Variants in PLXND1 observed in about 807,000 individuals in gnomAD.
The protein encoded by PLXND1 is plexin D1, also known as plexin-D1.
A neutral mutation model predicts 197.7 loss-of-function variants in PLXND1; 54 were observed. The ratio of observed to expected loss-of-function variants is 0.27; its 90% confidence interval spans 0.22 to 0.34. The LOEUF (loss-of-function observed/expected upper bound fraction) is 0.34, where lower values mean the gene tolerates loss of function less well. PLXND1 is among the 10% of genes least tolerant of loss of function. The pLI is 1.00. For missense variants in PLXND1, 2,127 were observed against 2,699.2 expected (o/e 0.79, Z 4.70); for synonymous variants, 1,180 against 1,161.2 (o/e 1.02, Z -0.33).
At chr3:129,566,463 G>T in intron 23 of PLXND1, 64 bp downstream of exon 23, 1 of 967,528 alleles carries the variant, frequency 1.0e-6, no homozygotes, top group Non-Finnish European at 1.7e-6. Context: ...ACTGGAAAGG[G>T]GACCCAGGGG....
rs2084968947 is a variant in PLXND1, at chr3:129,556,105, G to A, written c.*207C>T. ...TGGCCTCCATCCCAGAGACTGATCT[G>A]GGGACAGGTGGGAGGGGATGGAGGT... On this transcript the variant is annotated 3_prime_UTR_variant, in exon 36 of 36. Transcript: ENST00000324093. 5.4e-6 allele frequency: 3 copies of A among 555,938 alleles called. No individual in the cohort carries two copies. The allele number at this position is 555,938 out of a possible 1,614,324, so 34.4% of individuals were successfully genotyped here. A position where few individuals can be genotyped will look rare whatever the true frequency, so the allele number is the denominator to read the frequency against.
At chr3:129,602,762 GA>G (rs2085728861) in intron 1 of PLXND1, among the ~76,000 whole-genome samples, 1 of 152,178 alleles carries the variant, frequency 6.6e-6, no homozygotes, top group Non-Finnish European at 1.5e-5. Context: ...GTAATAACAA[GA>G]AGAACTGCCA....
At chr3:129,605,051 G>A (rs1029691572) in intron 1 of PLXND1, among the ~76,000 whole-genome samples, 3 of 152,176 alleles carry the variant, frequency 2.0e-5, no homozygotes, top group Non-Finnish European at 4.4e-5. Flanking sequence ...GGTACCTGTG[G>A]CAACTTGGAC....
chr3:129,589,603 C>A, intron 1 of PLXND1, 76 bp from the exon 2 acceptor site: 1 of 1,290,182 alleles, frequency 7.8e-7, no homozygotes. Context: ...TGGCTGGGAT[C>A]TCAGGCCCTG....
Position 129,555,381 on chromosome 3 carries a change from T to C in PLXND1, c.*931A>G. On this transcript the variant is annotated 3_prime_UTR_variant, in exon 36 of 36. Coordinates refer to ENST00000324093, the MANE Select transcript of PLXND1 (RefSeq NM_015103.3). ...TCGTTTCTGGCAGGAACGGAGTGGG[T>C]GGTAGTCTCAGGCGCCAGGGGCGCT... The C allele has an allele frequency of 1.6e-6, 1 of 623,678 alleles. No homozygotes were observed. The highest frequency in any genetic ancestry group is 2.8e-6 in the Non-Finnish European group (1 of 355,588). 38.6% of individuals were successfully genotyped at this position (623,678 alleles called of 1,614,324 possible). A position where few individuals can be genotyped will look rare whatever the true frequency, so the allele number is the denominator to read the frequency against.
intron 29 of PLXND1, chr3:129,561,008 T>C (rs575004645): frequency 2.7e-4 from 150 of 562,578 alleles, no homozygotes; most frequent in Non-Finnish European, 4.2e-4. Context: ...CGAGACAGAG[T>C]GAGGCAGAGA....
chr3:129,587,967 C>T (rs2085484384), intron 2 of PLXND1, among the ~76,000 whole-genome samples: 1 of 78,296 alleles, frequency 1.3e-5, no homozygotes, highest in Non-Finnish European at 3.3e-5. Flanking sequence ...AGGCCACTGC[C>T]CGCACCCACC....
At chr3:129,589,307 G>GCCGGGGGGC in intron 2 of PLXND1, 44 bp downstream of exon 2, 2 of 684,692 alleles carry the variant, frequency 2.9e-6, no homozygotes, top group Non-Finnish European at 2.6e-6. Context: ...TCCCAGGGGA[G>GCCGGGGGGC]CCTCCCACCC....
In PLXND1 at chr3:129,561,719, G is replaced by C. The variant is rs373574898; in HGVS notation, c.4930-10C>G. ...AGGCACCTTCAGGGATCTGATGGGA[G>C]GGGAGAGGCCGAGGTCAGAGGCCGG... On this transcript the variant is annotated splice_polypyrimidine_tract_variant and intron_variant, in intron 28 of 35. Transcript: ENST00000324093. The C allele has an allele frequency of 1.9e-6, 3 of 1,600,378 alleles. No homozygotes were observed. Among genetic ancestry groups the C allele is most frequent in the Admixed American group, 1.7e-5 (1 of 58,646 alleles).
chr3:129,584,527 G>A lies in PLXND1; in HGVS notation c.1887C>T (p.Ser629=). 1 of 1,612,442 alleles carries A rather than the reference G, an allele frequency of 6.2e-7. No homozygotes were observed. Among genetic ancestry groups the A allele is most frequent in the Non-Finnish European group, 8.5e-7 (1 of 1,179,114 alleles). Residue 629 remains serine (S), a synonymous_variant, in exon 6 of 36, where the codon AGC becomes AGT. Coordinates refer to ENST00000324093, the MANE Select transcript of PLXND1 (RefSeq NM_015103.3). The part of the protein sequence containing the change: ...MILQISGSLP[S]LSGMEMACDY... ...CACAGGCCATCTCCATGCCACTGAG[G>A]CTGGGCAGGCTGCCCGAGATCTGCA...
At chr3:129,591,211 C>T (rs2085535741) in intron 1 of PLXND1, 1 of 152,248 alleles carries the variant, frequency 6.6e-6, no homozygotes, top group South Asian at 2.1e-4. Flanking sequence ...GAATGGTCTT[C>T]CGGAGGATGA....
At chr3:129,565,794 A>G (rs2245469) in intron 24 of PLXND1, 93 bp downstream of exon 24, 423,877 of 1,357,500 alleles carry the variant, frequency 0.31, 70,136 homozygotes, top group African/African-American at 0.55. Context: ...GGGGGTGTCA[A>G]GAGCCCCAGA....
At chr3:129,600,830 G>A in intron 1 of PLXND1, among the ~76,000 whole-genome samples, 1 of 151,680 alleles carries the variant, frequency 6.6e-6, no homozygotes, top group East Asian at 1.9e-4. Flanking sequence ...CCCTAAATTG[G>A]TGCAAAAAAA....
At position 129,605,698 on chromosome 3, in the gene PLXND1, C is replaced by T. The variant is rs1314820233; in HGVS notation, c.942G>A (p.Ala314=). ...GGCAGATGCGCGCCAGCAGGCTCCGCGCCTGGCTCTCCTTGTCGCCCGCGC... is the reference window on the plus strand; with the variant it reads ...GGCAGATGCGCGCCAGCAGGCTCCGTGCCTGGCTCTCCTTGTCGCCCGCGC... ...EARAGDKESQ[A]RSLLARICLP... Residue 314 remains alanine, a synonymous_variant, in exon 1 of 36, where the codon GCG becomes GCA. Coordinates refer to ENST00000324093, the MANE Select transcript of PLXND1 (RefSeq NM_015103.3). 2 of 1,539,160 alleles carry T rather than the reference C, an allele frequency of 1.3e-6. No individual in the cohort carries two copies. Among genetic ancestry groups the T allele is most frequent in the Non-Finnish European group, 1.7e-6 (2 of 1,144,882 alleles).
chr3:129,605,265 GC>G, intron 1 of PLXND1, 63 bp downstream of exon 1: 2 of 283,344 alleles, frequency 7.1e-6, no homozygotes, highest in Non-Finnish European at 1.2e-5. Context: ...CTCGGTTCCC[GC>G]CCGCCCCCGC....
chr3:129,570,108 C>T lies in PLXND1; in HGVS notation c.3751-151G>A. On this transcript the variant is annotated intron_variant, in intron 19 of 35. Coordinates refer to ENST00000324093, the MANE Select transcript of PLXND1 (RefSeq NM_015103.3). ...ACATAGAGATAACAATGTCCACCTC[C>T]TGGGGACACTGGGAAGGCTAAATGA... The T allele has an allele frequency of 7.9e-6, 5 of 631,496 alleles. No individual in the cohort carries two copies. In the South Asian group the frequency reaches 8.9e-5, roughly 11 times the overall value. The allele number at this position is 631,496 out of a possible 1,614,324, so 39.1% of individuals were successfully genotyped here.
At position 129,572,652 on chromosome 3, in the gene PLXND1, G is replaced by T; in HGVS notation, c.3034C>A (p.Leu1012Ile). The T allele has an allele frequency of 6.2e-7, 1 of 1,601,106 alleles. No individual in the cohort carries two copies. Among genetic ancestry groups the T allele is most frequent in the Non-Finnish European group, 8.5e-7 (1 of 1,173,372 alleles). ...HGNDLHVGSE[L>I]QVLVNDTDPC... ...TCTGTGTCGTTCACCAGGACCTGGA[G>T]CTCGGAGCCTACATGGAGGTCATTC... The change falls in exon 15 of 36, where the codon CTC (leucine) becomes ATC (isoleucine). Residue 1012 changes from leucine (L) to isoleucine (I), a missense_variant. Leu to Ile is a conservative substitution (Grantham distance 5). Around this residue, in one of 6 missense-constraint regions of PLXND1, gnomAD observed 1,095 missense variants for 1,259.8 expected, o/e 0.87. Coordinates refer to ENST00000324093, the MANE Select transcript of PLXND1 (RefSeq NM_015103.3).
chr3:129,606,213 T>C lies in PLXND1; in HGVS notation c.427A>G (p.Ile143Val), dbSNP rs377413187. 1.3e-4 allele frequency: 201 copies of C among 1,579,206 alleles called. No individual in the cohort carries two copies. Among genetic ancestry groups the C allele is most frequent in the Non-Finnish European group, 1.6e-4 (189 of 1,167,438 alleles). Residue 143 changes from isoleucine to valine, a missense_variant, in exon 1 of 36, where the codon ATC becomes GTC. Physicochemically the swap from Ile to Val is conservative, Grantham distance 29 (BLOSUM62 3). This residue lies in a region of PLXND1 where 245 missense variants were observed against 267.1 expected (regional missense o/e 0.92). Transcript: ENST00000324093. ...GQGLVVVCGS[I>V]YQGFCQLRRR... ...CGCAGCTGGCAGAAGCCCTGGTAGA[T>C]GGACCCGCACACGACTACCAGGCCC...
In PLXND1 at chr3:129,557,185, A is replaced by T; in HGVS notation, c.5484T>A (p.Ile1828=). 1 of 1,614,034 alleles carries T rather than the reference A, an allele frequency of 6.2e-7. No homozygotes were observed. Among genetic ancestry groups the T allele is most frequent in the Non-Finnish European group, 8.5e-7 (1 of 1,179,982 alleles). ...GCTGCACGATCTTCCGGTACTCAGG[A>T]ATCTCCTTGGCGTAGAGGAGCTTGT... is the stretch of plus-strand genomic sequence containing the variant. ...PTNKLLYAKE[I]PEYRKIVQRY... The change falls in exon 34 of 36, where the codon ATT becomes ATA. Residue 1828 remains isoleucine (I), a synonymous_variant. Coordinates refer to ENST00000324093, the MANE Select transcript of PLXND1 (RefSeq NM_015103.3). The surrounding 1 kb of genome is among the most constrained non-coding windows in gnomAD (Gnocchi z 4.8).
Sources: gnomAD v4.1 joint callset for allele counts (sites outside exome capture counted in the v4.1 genomes callset) on GRCh38, gnomAD v4.1.1 for gene constraint, gnomAD v4.1.1 regional missense constraint, Gnocchi (gnomAD v3.1) non-coding constraint, MANE v1.5 for transcripts, NCBI Gene and HGNC (gene_info 2026-07-23, HGNC 2026-07-21) for gene names.